C1orf105: variants seen among roughly 807,000 people sequenced by gnomAD.
C1orf105 encodes the protein chromosome 1 open reading frame 105, also known as uncharacterized protein C1orf105.
C1orf105 carries 17 observed loss-of-function variants against 20.8 expected under a neutral mutation model. That is an observed-to-expected ratio of 0.82 (90% CI 0.56 to 1.23). C1orf105 has a LOEUF of 1.23. C1orf105 is among the 50% of genes most tolerant of loss of function. The pLI is 0.00. For missense variants in C1orf105, 219 were observed against 213.5 expected, an observed-to-expected ratio of 1.03 and a Z score of -0.16; for synonymous variants, 72 against 72.1, an observed-to-expected ratio of 1.00 and a Z score of 0.01.
chr1:172,462,152 G>A (rs763461420), intron 4 of C1orf105, 26 bp from the exon 5 acceptor site: 70 of 1,561,434 alleles, frequency 4.5e-5, no homozygotes, highest in East Asian at 2.0e-4. Context: ...TACAGGCAAC[G>A]TTCTAAATGA....
At chr1:172,420,959 G>T in intron 1 of C1orf105, 53 bp downstream of exon 1, 2 of 1,513,928 alleles carry the variant, frequency 1.3e-6, no homozygotes, top group South Asian at 1.2e-5. Flanking sequence ...GGTTACCCTG[G>T]TAAATGTTTG....
At position 172,452,658 on chromosome 1, in the gene C1orf105, A is replaced by G. The variant is rs975877469; in HGVS notation, c.199-3757A>G. 1.5e-5 allele frequency: 7 copies of G among 453,640 alleles called. No homozygotes were observed. The Admixed American group carries it at 1.9e-4, about 12-fold the overall frequency. 28.1% of individuals were successfully genotyped at this position (453,640 alleles called of 1,614,324 possible). ...AGTCAGCCCTTAGACACCGCAGCAG[A>G]TATTGTCCTAGGGTATGAGGATGTT... On this transcript the variant is annotated intron_variant, in intron 3 of 6. Transcript: ENST00000367727.
intron 1 of C1orf105, among the ~76,000 whole-genome samples, chr1:172,438,045 C>T (rs527689336): frequency 3.8e-4 from 57 of 151,882 alleles, no homozygotes; most frequent in African/African-American, 1.3e-3. Flanking sequence ...GTGAGTAAAA[C>T]AATAAAGCAT....
At chr1:172,451,150 G>A (rs186778736) in intron 3 of C1orf105, 1 of 152,442 alleles carries the variant, frequency 6.6e-6, no homozygotes, top group Admixed American at 6.5e-5. Context: ...ACTGCAGCTG[G>A]AGACTCTGAA....
chr1:172,454,709 T>A (rs1302003727), intron 3 of C1orf105, among the ~76,000 whole-genome samples: 1 of 152,068 alleles, frequency 6.6e-6, no homozygotes, highest in African/African-American at 2.4e-5. Flanking sequence ...TTGCCTGTTT[T>A]TTTTTACCCT....
At chr1:172,458,031 AC>A (rs760626736) in intron 4 of C1orf105, among the ~76,000 whole-genome samples, 10 of 152,196 alleles carry the variant, frequency 6.6e-5, no homozygotes, top group Admixed American at 1.3e-4. Flanking sequence ...GAATAGAAAT[AC>A]TGGGGAATAT....
intron 5 of C1orf105, among the ~76,000 whole-genome samples, chr1:172,463,376 C>T (rs536609274): frequency 4.9e-4 from 74 of 152,132 alleles, no homozygotes; most frequent in Non-Finnish European, 9.1e-4. Context: ...TGGTACATGT[C>T]CTGATTCCTT....
At chr1:172,430,406 G>A (rs569386051) in intron 1 of C1orf105, 137 of 629,486 alleles carry the variant, frequency 2.2e-4, no homozygotes, top group African/African-American at 1.8e-3. Context: ...TTAATAGAAC[G>A]TTTAATGAAT....
At chr1:172,461,452 A>G (rs1649688373) in intron 4 of C1orf105, among the ~76,000 whole-genome samples, 1 of 152,212 alleles carries the variant, frequency 6.6e-6, no homozygotes, top group Non-Finnish European at 1.5e-5. Flanking sequence ...AGCTACAATA[A>G]TTTTCGAGAA....
intron 1 of C1orf105, chr1:172,441,953 T>G: frequency 6.2e-7 from 1 of 1,613,826 alleles, no homozygotes; most frequent in Non-Finnish European, 8.5e-7. Context: ...CTCCGGGGAG[T>G]ACATGCCTTT....
At chr1:172,441,968 T>C in intron 1 of C1orf105, 1 of 1,614,208 alleles carries the variant, frequency 6.2e-7, no homozygotes, top group Non-Finnish European at 8.5e-7. Context: ...GCCTTTAGTT[T>C]CTTCTGCAAC....
intron 3 of C1orf105, among the ~76,000 whole-genome samples, chr1:172,448,868 G>A (rs755365432): frequency 1.2e-4 from 18 of 152,172 alleles, no homozygotes; most frequent in Non-Finnish European, 2.5e-4. Flanking sequence ...CTCCCCCAAA[G>A]GATTGCTTAT....
intron 1 of C1orf105, among the ~76,000 whole-genome samples, chr1:172,439,990 CCA>C: frequency 6.6e-6 from 1 of 152,236 alleles, no homozygotes; most frequent in Non-Finnish European, 1.5e-5. Flanking sequence ...AGAAAGCAGT[CCA>C]ATTGACCTTA....
intron 1 of C1orf105, among the ~76,000 whole-genome samples, chr1:172,435,031 C>A (rs919429175): frequency 1.3e-5 from 2 of 152,160 alleles, no homozygotes; most frequent in African/African-American, 4.8e-5. Flanking sequence ...CATACACCCT[C>A]CCACAACTAA....
chr1:172,461,961 T>C lies in C1orf105; in HGVS notation c.274-217T>C, dbSNP rs147951606. 2.0e-4 allele frequency among the ~76,000 whole-genome samples: 31 copies of C among 152,264 alleles called. No individual in the cohort carries two copies. In the East Asian group the frequency reaches 6.0e-3, roughly 29 times the overall value. The stretch of plus-strand genomic sequence containing the variant: ...CATCTAAACCAACCAATTTTAAAGA[T>C]TTACTAAATCTGTGTATCTAATTTC... On this transcript the variant is annotated intron_variant, in intron 4 of 6. Coordinates refer to ENST00000367727, the MANE Select transcript of C1orf105 (RefSeq NM_139240.4).
intron 1 of C1orf105, among the ~76,000 whole-genome samples, chr1:172,433,900 T>C (rs1027442326): frequency 1.3e-5 from 2 of 152,064 alleles, no homozygotes; most frequent in Non-Finnish European, 2.9e-5. Flanking sequence ...AATAAAAGGA[T>C]GGAGGAAGAC....
At chr1:172,447,332 G>A (rs1648124573) in intron 2 of C1orf105, among the ~76,000 whole-genome samples, 1 of 152,194 alleles carries the variant, frequency 6.6e-6, no homozygotes, top group Non-Finnish European at 1.5e-5. Context: ...AGGAGGTGAG[G>A]CTGGGCTGTA....
In C1orf105 at chr1:172,468,554, T is replaced by C. The variant is rs943419219; in HGVS notation, c.512T>C (p.Leu171Ser). 1.2e-6 allele frequency: 2 copies of C among 1,613,944 alleles called. No individual in the cohort carries two copies. Among genetic ancestry groups the C allele is most frequent in the African/African-American group, 2.7e-5 (2 of 75,024 alleles). The change falls in exon 7 of 7, where the codon TTG becomes TCG. Residue 171 changes from leucine (L) to serine (S), a missense_variant. Transcript: ENST00000367727. The stretch of plus-strand genomic sequence containing the variant: ...CTAAAAGAGAGACAACGTTCTTCCT[T>C]GCCCAGAAAGGAACCAATAGGCAAG... ...KTLKERQRSS[L>S]PRKEPIGKTT...
At chr1:172,437,745 T>TAA (rs1199353687) in intron 1 of C1orf105, among the ~76,000 whole-genome samples, 1 of 148,206 alleles carries the variant, frequency 6.7e-6, no homozygotes, top group Non-Finnish European at 1.5e-5. Context: ...ATAATAATAA[T>TAA]AATAATAATA....
Sources: gnomAD v4.1 joint callset for allele counts (sites outside exome capture counted in the v4.1 genomes callset) on GRCh38, gnomAD v4.1.1 for gene constraint, MANE v1.5 for transcripts, NCBI Gene and HGNC (gene_info 2026-07-23, HGNC 2026-07-21) for gene names.